The following NELL1 variants were observed in gnomAD, a reference collection of about 807,000 sequenced individuals.
The protein encoded by NELL1 is protein kinase C-binding protein NELL1.
In NELL1, 76 loss-of-function variants were observed where a neutral mutation model predicts 107.4. The ratio of observed to expected loss-of-function variants is 0.71; its 90% CI spans 0.59 to 0.86. The LOEUF (loss-of-function observed/expected upper bound fraction) is 0.86. Ranked by LOEUF, NELL1 falls within the 40% of genes least tolerant of loss-of-function variation. The pLI is 0.00. For synonymous variants in NELL1, 353 were observed against 341.2 expected, an observed-to-expected ratio of 1.03 and a Z score of -0.38; for missense variants, 1,024 against 1,005.5, an observed-to-expected ratio of 1.02 and a Z score of -0.25.
At chr11:21,466,272 C>A (rs114954072) in intron 15 of NELL1, among the ~76,000 whole-genome samples, 2,384 of 152,238 alleles carry the variant, frequency 0.016, 66 homozygotes, top group African/African-American at 0.054. Context: ...GGTCTGGCGA[C>A]TAGACATGGC....
chr11:21,054,320 A>G (rs539406127), intron 12 of NELL1, among the ~76,000 whole-genome samples: 62 of 152,224 alleles, frequency 4.1e-4, no homozygotes, highest in African/African-American at 1.5e-3. Context: ...TGAAACCATA[A>G]TTTTTAATGA....
At chr11:21,043,958 T>C (rs545290819) in intron 12 of NELL1, among the ~76,000 whole-genome samples, 1 of 152,252 alleles carries the variant, frequency 6.6e-6, no homozygotes, top group South Asian at 2.1e-4. Context: ...AGATAAGCAG[T>C]AGAAGGTTGG....
At chr11:21,509,221 G>A (rs868408637) in intron 15 of NELL1, among the ~76,000 whole-genome samples, 7 of 152,074 alleles carry the variant, frequency 4.6e-5, no homozygotes, top group Non-Finnish European at 8.8e-5. Flanking sequence ...TGACAATAGC[G>A]ACTATTGACA....
chr11:21,128,566 T>C (rs918215948), intron 13 of NELL1, among the ~76,000 whole-genome samples: 1 of 152,148 alleles, frequency 6.6e-6, no homozygotes, highest in Non-Finnish European at 1.5e-5. Context: ...ATCAAAATCT[T>C]TAGTATTTTT....
chr11:21,179,810 A>G lies in NELL1; in HGVS notation c.1427-49522A>G, dbSNP rs56857635. ...TGGTCTTACCTGATTTATGTTTTTA[A>G]CCAAAATATAGGGAAGTATTTGTGC... On this transcript the variant is annotated intron_variant, in intron 13 of 19. Coordinates refer to ENST00000357134, the MANE Select transcript of NELL1 (RefSeq NM_006157.5). 1.8e-3 allele frequency among the ~76,000 whole-genome samples: 279 copies of G among 150,914 alleles called. 5 individuals are homozygous for G. Among genetic ancestry groups the G allele is most frequent in the African/African-American group, 6.2e-3 (252 of 40,726 alleles).
At chr11:20,707,259 C>CT (rs1854989297) in intron 2 of NELL1, among the ~76,000 whole-genome samples, 2 of 152,110 alleles carry the variant, frequency 1.3e-5, no homozygotes, top group Non-Finnish European at 2.9e-5. Context: ...GTTAGCCATT[C>CT]ATCTAATCTT....
chr11:21,342,514 T>A (rs1850592957), intron 14 of NELL1, among the ~76,000 whole-genome samples: 1 of 151,354 alleles, frequency 6.6e-6, no homozygotes, highest in Non-Finnish European at 1.5e-5. Context: ...CATGGTGGCA[T>A]GTGCCTGTAG....
intron 2 of NELL1, among the ~76,000 whole-genome samples, chr11:20,699,691 G>A (rs1230504409): frequency 1.3e-5 from 2 of 152,202 alleles, no homozygotes; most frequent in Non-Finnish European, 2.9e-5. Flanking sequence ...TGGTAGATGG[G>A]CATTTAGGCT....
chr11:20,825,102 A>T (rs1454190103), intron 3 of NELL1, among the ~76,000 whole-genome samples: 4 of 151,412 alleles, frequency 2.6e-5, no homozygotes, highest in African/African-American at 4.8e-5. Flanking sequence ...TTGGGCCTGT[A>T]GGTCCACAGA....
intron 12 of NELL1, among the ~76,000 whole-genome samples, chr11:21,082,669 T>A (rs1301443767): frequency 6.6e-6 from 1 of 152,190 alleles, no homozygotes; most frequent in African/African-American, 2.4e-5. Flanking sequence ...TATGCTATTT[T>A]TTCTCAGACT....
chr11:21,051,648 CTT>C (rs1436779702), intron 12 of NELL1, among the ~76,000 whole-genome samples: 1 of 152,130 alleles, frequency 6.6e-6, no homozygotes, highest in Non-Finnish European at 1.5e-5. Context: ...GGACATGACA[CTT>C]TTCATTTGTA....
At chr11:21,358,979 G>C (rs909306117) in intron 14 of NELL1, among the ~76,000 whole-genome samples, 4 of 152,022 alleles carry the variant, frequency 2.6e-5, no homozygotes, top group African/African-American at 4.8e-5. Flanking sequence ...TCTTTCTCTT[G>C]TTTGATTGGT....
intron 15 of NELL1, among the ~76,000 whole-genome samples, chr11:21,412,913 C>A (rs185342531): frequency 1.3e-5 from 2 of 152,014 alleles, no homozygotes; most frequent in African/African-American, 4.8e-5. Flanking sequence ...CCAGAGGTAT[C>A]CCAGGGTATC....
At chr11:21,505,727 T>C (rs1025940977) in intron 15 of NELL1, among the ~76,000 whole-genome samples, 1 of 152,204 alleles carries the variant, frequency 6.6e-6, no homozygotes, top group African/African-American at 2.4e-5. Flanking sequence ...CTTTATCTAA[T>C]AGTAGCTCCC....
chr11:21,233,676 G>C (rs1361943828), intron 14 of NELL1, among the ~76,000 whole-genome samples: 1 of 152,202 alleles, frequency 6.6e-6, no homozygotes, highest in Non-Finnish European at 1.5e-5. Flanking sequence ...TTTCAAGTCA[G>C]ATTTGCATTA....
At chr11:21,314,469 T>TA (rs1218652724) in intron 14 of NELL1, among the ~76,000 whole-genome samples, 1 of 152,112 alleles carries the variant, frequency 6.6e-6, no homozygotes, top group African/African-American at 2.4e-5. Flanking sequence ...ATAGTAGAAA[T>TA]AAGGCACTTT....
chr11:20,739,452 T>C (rs1334850406), intron 2 of NELL1, among the ~76,000 whole-genome samples: 1 of 152,258 alleles, frequency 6.6e-6, no homozygotes, highest in Non-Finnish European at 1.5e-5. Flanking sequence ...CTGTGCTTTG[T>C]TGCTCTTTAA....
intron 15 of NELL1, among the ~76,000 whole-genome samples, chr11:21,406,337 T>C (rs1396068065): frequency 6.6e-6 from 1 of 152,002 alleles, no homozygotes. Flanking sequence ...AATTTTTAAG[T>C]GGTATTTTAT....
chr11:20,713,213 G>A (rs888281205), intron 2 of NELL1, among the ~76,000 whole-genome samples: 1 of 152,108 alleles, frequency 6.6e-6, no homozygotes, highest in Non-Finnish European at 1.5e-5. Flanking sequence ...TTGATGGGCA[G>A]GTCTACAAAG....
Sources: gnomAD v4.1 joint callset for allele counts (sites outside exome capture counted in the v4.1 genomes callset) on GRCh38, gnomAD v4.1.1 for gene constraint, MANE v1.5 for transcripts, NCBI Gene and HGNC (gene_info 2026-07-23, HGNC 2026-07-21) for gene names.